The following ETV6 variants were observed in gnomAD, a reference collection of about 807,000 sequenced individuals.
The protein encoded by ETV6 is transcription factor ETV6.
A neutral mutation model predicts 51.1 loss-of-function variants in ETV6; 16 were observed. That is an observed-to-expected ratio of 0.31 (90% CI 0.21 to 0.48). ETV6 has a LOEUF of 0.48. ETV6 is among the 20% of genes least tolerant of loss of function. The probability of loss-of-function intolerance (pLI) is 0.99; values close to 1 mark genes in which losing one functional copy is unlikely to be tolerated. For synonymous variants in ETV6, 240 were observed against 224.1 expected, an observed-to-expected ratio of 1.07 and a Z score of -0.64; for missense variants, 458 against 594.8, an observed-to-expected ratio of 0.77 and a Z score of 2.39.
At chr12:11,774,244 C>T (rs534772094) in intron 2 of ETV6, among the ~76,000 whole-genome samples, 17 of 152,298 alleles carry the variant, frequency 1.1e-4, no homozygotes, top group African/African-American at 3.8e-4. Flanking sequence ...TTCAGGTCCA[C>T]GGTTGAGCAA....
chr12:11,758,493 A>G (rs114327160), intron 2 of ETV6, among the ~76,000 whole-genome samples: 1,913 of 152,294 alleles, frequency 0.013, 38 homozygotes, highest in African/African-American at 0.042. Flanking sequence ...CTAAGTCACA[A>G]TGGAAATAAG....
chr12:11,781,209 G>T (rs186268722), intron 2 of ETV6, among the ~76,000 whole-genome samples: 1 of 152,234 alleles, frequency 6.6e-6, no homozygotes, highest in East Asian at 1.9e-4. Context: ...GAATTGTGAA[G>T]GACCTCAGAG....
At chr12:11,783,232 G>C (rs1945436607) in intron 2 of ETV6, among the ~76,000 whole-genome samples, 1 of 152,134 alleles carries the variant, frequency 6.6e-6, no homozygotes, top group Admixed American at 6.5e-5. Flanking sequence ...GGGCTCCCCA[G>C]AGAGACAGGA....
intron 3 of ETV6, among the ~76,000 whole-genome samples, chr12:11,841,686 C>T (rs1206614097): frequency 6.6e-6 from 1 of 152,132 alleles, no homozygotes; most frequent in East Asian, 1.9e-4. Context: ...TTAGAGGGGC[C>T]ATTTCTAGCT....
At chr12:11,754,315 A>G (rs1944974401) in intron 2 of ETV6, among the ~76,000 whole-genome samples, 1 of 152,116 alleles carries the variant, frequency 6.6e-6, no homozygotes, top group South Asian at 2.1e-4. Context: ...AGCACAGAGA[A>G]AAAAAAAGTA....
chr12:11,746,473 C>G (rs1305073549), intron 1 of ETV6, among the ~76,000 whole-genome samples: 1 of 152,210 alleles, frequency 6.6e-6, no homozygotes, highest in Non-Finnish European at 1.5e-5. Flanking sequence ...TTAATGCTAG[C>G]TCTCTTTCCT....
At chr12:11,776,413 T>C (rs1394305317) in intron 2 of ETV6, among the ~76,000 whole-genome samples, 1 of 152,182 alleles carries the variant, frequency 6.6e-6, no homozygotes, top group African/African-American at 2.4e-5. Flanking sequence ...GGAATTTTTT[T>C]TTTTTTCTTT....
chr12:11,812,028 T>C (rs1410100417), intron 2 of ETV6, among the ~76,000 whole-genome samples: 1 of 152,242 alleles, frequency 6.6e-6, no homozygotes, highest in Admixed American at 6.5e-5. Context: ...AGTAAAAATG[T>C]CCCAATGCTA....
intron 1 of ETV6, among the ~76,000 whole-genome samples, chr12:11,650,675 C>G (rs1455004937): frequency 6.6e-6 from 1 of 151,830 alleles, no homozygotes; most frequent in Admixed American, 6.6e-5. Flanking sequence ...TTTTTTTCCC[C>G]CTCGTCTGAT....
In ETV6 at chr12:11,867,274, T is replaced by TA. The variant is rs1371711616; in HGVS notation, c.464-2149dup. On this transcript the variant is annotated intron_variant, in intron 4 of 7. Transcript: ENST00000396373. The stretch of plus-strand genomic sequence containing the variant: ...TAGATAAGTGGTGGCAGATCATAAA[T>TA]ACTTCATCTTGCTTTTCGTATCTAA... 3.3e-5 allele frequency among the ~76,000 whole-genome samples: 5 copies of TA among 152,238 alleles called. No homozygotes were observed. The South Asian group carries it at 1.0e-3, about 32-fold the overall frequency.
chr12:11,808,878 CA>C (rs1275423265), intron 2 of ETV6, among the ~76,000 whole-genome samples: 3 of 152,082 alleles, frequency 2.0e-5, no homozygotes, highest in Non-Finnish European at 2.9e-5. Flanking sequence ...TTAAAAATGA[CA>C]AGGGCCATGT....
chr12:11,736,500 CTA>C (rs1305136361), intron 1 of ETV6, among the ~76,000 whole-genome samples: 1 of 152,178 alleles, frequency 6.6e-6, no homozygotes, highest in Non-Finnish European at 1.5e-5. Context: ...ATACTGTTAT[CTA>C]TAACTGGTTC....
chr12:11,880,563 T>C (rs778922392), intron 5 of ETV6, among the ~76,000 whole-genome samples: 38 of 152,150 alleles, frequency 2.5e-4, no homozygotes, highest in Non-Finnish European at 4.7e-4. Flanking sequence ...GAATGTACCA[T>C]TACAGTAAAA....
chr12:11,823,117 C>T (rs879901038), intron 2 of ETV6, among the ~76,000 whole-genome samples: 4 of 152,148 alleles, frequency 2.6e-5, no homozygotes, highest in Admixed American at 6.5e-5. Flanking sequence ...ACCTGTAGGG[C>T]CTCTGGCGTT....
At chr12:11,811,108 G>GT (rs1945906193) in intron 2 of ETV6, among the ~76,000 whole-genome samples, 1 of 152,146 alleles carries the variant, frequency 6.6e-6, no homozygotes, top group Non-Finnish European at 1.5e-5. Context: ...TCCCCCCTGT[G>GT]TTTTTTGTCT....
rs117978187 is a variant in ETV6 at position 11,840,369 on chromosome 12, G to A, written c.328+1065G>A. The A allele has an allele frequency of 8.5e-4, 388 of 454,914 alleles. 1 individual carries two copies. The highest frequency in any genetic ancestry group is 1.2e-3 in the Non-Finnish European group (276 of 226,272). The allele number at this position is 454,914 out of a possible 1,614,324, so 28.2% of individuals were successfully genotyped here. On this transcript the variant is annotated intron_variant, in intron 3 of 7. Transcript: ENST00000396373. ...AGGTACCTGTCTGGGAACTACATAT[G>A]TCAAAGGGGAACTGTGGTCTCAGGT...
chr12:11,855,754 C>CT (rs1946624988), intron 4 of ETV6, among the ~76,000 whole-genome samples: 2 of 152,186 alleles, frequency 1.3e-5, no homozygotes, highest in African/African-American at 4.8e-5. Flanking sequence ...CTGCCTTCCT[C>CT]TCATCCTTTC....
intron 2 of ETV6, among the ~76,000 whole-genome samples, chr12:11,819,968 AG>A (rs578260736): frequency 4.4e-4 from 67 of 152,364 alleles, no homozygotes; most frequent in African/African-American, 1.6e-3. Flanking sequence ...TGAACTCCTT[AG>A]TACAGCAGAC....
chr12:11,770,192 G>C (rs544646533), intron 2 of ETV6, among the ~76,000 whole-genome samples: 11 of 152,174 alleles, frequency 7.2e-5, no homozygotes, highest in South Asian at 2.1e-4. Context: ...AACAAGCCTC[G>C]TTGGCCTTGA....
Sources: gnomAD v4.1 joint callset for allele counts (sites outside exome capture counted in the v4.1 genomes callset) on GRCh38, gnomAD v4.1.1 for gene constraint, MANE v1.5 for transcripts, NCBI Gene and HGNC (gene_info 2026-07-23, HGNC 2026-07-21) for gene names.